Variants in CEP112 observed in about 807,000 individuals in gnomAD.
The protein encoded by CEP112 is centrosomal protein 112.
In CEP112, 127 loss-of-function variants were observed where a neutral mutation model predicts 153.0. That is an observed-to-expected ratio of 0.83 (90% confidence interval 0.72 to 0.96). CEP112 has a LOEUF of 0.96. Among genes scored for constraint, CEP112 ranks in the 40% least tolerant of loss-of-function variants. The probability of loss-of-function intolerance (pLI) is 0.00; values close to 1 mark genes in which losing one functional copy is unlikely to be tolerated. For synonymous variants in CEP112, 358 were observed against 374.4 expected, an observed-to-expected ratio of 0.96 and a Z score of 0.51; for missense variants, 1,089 against 1,101.2, an observed-to-expected ratio of 0.99 and a Z score of 0.16.
At chr17:65,648,255 T>C (rs951754261) in intron 24 of CEP112, among the ~76,000 whole-genome samples, 7 of 152,164 alleles carry the variant, frequency 4.6e-5, no homozygotes, top group African/African-American at 1.7e-4. Context: ...GTTACTTCTC[T>C]CTCTACCTTC....
At chr17:65,880,836 C>T (rs1005254061) in intron 20 of CEP112, among the ~76,000 whole-genome samples, 1 of 152,154 alleles carries the variant, frequency 6.6e-6, no homozygotes, top group African/African-American at 2.4e-5. Flanking sequence ...ATTGTTCAAC[C>T]TCGGGTCTTT....
chr17:66,113,849 T>A (rs2069165428), intron 6 of CEP112, among the ~76,000 whole-genome samples: 1 of 152,190 alleles, frequency 6.6e-6, no homozygotes, highest in African/African-American at 2.4e-5. Flanking sequence ...TTGGGGGAAA[T>A]AAGCAATCTA....
chr17:65,909,522 A>G (rs1412301988), intron 19 of CEP112, among the ~76,000 whole-genome samples: 1 of 152,244 alleles, frequency 6.6e-6, no homozygotes, highest in African/African-American at 2.4e-5. Flanking sequence ...TAAAACCCTG[A>G]TAGTTGGTCA....
Position 65,899,939 on chromosome 17 carries a change from T to C in CEP112, c.2163+2213A>G, listed in dbSNP as rs143521158. Among the ~76,000 whole-genome samples, 5 of 152,304 alleles carry C rather than the reference T, an allele frequency of 3.3e-5. No homozygotes were observed. In the East Asian group the frequency reaches 9.6e-4, roughly 29 times the overall value. On this transcript the variant is annotated intron_variant, in intron 20 of 26. Transcript: ENST00000535342. ...AAAAAGATCTATTTTGAAAATTATA[T>C]GCCTACTTTGTTTCCTTGAAATTTG...
At position 65,776,619 on chromosome 17, in the gene CEP112, T is replaced by C. The variant is rs555110839; in HGVS notation, c.2395-25895A>G. ...CATGACTTATTGAACCATTCTTCTA[T>C]TGCTGGATATTTAGATTATTTCCAA... On this transcript the variant is annotated intron_variant, in intron 21 of 26. Transcript: ENST00000535342. 1.7e-4 allele frequency among the ~76,000 whole-genome samples: 26 copies of C among 152,344 alleles called. No homozygotes were observed. In the South Asian group the frequency reaches 5.0e-3, roughly 29 times the overall value.
At chr17:65,667,574 C>CACAA (rs2046760353) in intron 24 of CEP112, among the ~76,000 whole-genome samples, 1 of 151,966 alleles carries the variant, frequency 6.6e-6, no homozygotes, top group African/African-American at 2.4e-5. Flanking sequence ...CACACACACA[C>CACAA]ACACACACAC....
chr17:65,796,867 T>TA (rs1194025386), intron 21 of CEP112, among the ~76,000 whole-genome samples: 18 of 31,964 alleles, frequency 5.6e-4, no homozygotes, highest in African/African-American at 4.1e-4. Context: ...ACCCCATCTC[T>TA]ACAAAAAAAA....
chr17:66,051,733 T>C (rs1230886738), intron 12 of CEP112, among the ~76,000 whole-genome samples: 1 of 152,188 alleles, frequency 6.6e-6, no homozygotes, highest in Non-Finnish European at 1.5e-5. Flanking sequence ...TTCAAGAAAG[T>C]ACTTGGACCA....
At chr17:65,721,842 A>AT (rs888233927) in intron 23 of CEP112, among the ~76,000 whole-genome samples, 11 of 67,632 alleles carry the variant, frequency 1.6e-4, no homozygotes, top group East Asian at 1.4e-3. Context: ...CACTAGCATA[A>AT]TTAAAAAAAA....
At chr17:65,890,840 T>C (rs1027689146) in intron 20 of CEP112, among the ~76,000 whole-genome samples, 1 of 152,170 alleles carries the variant, frequency 6.6e-6, no homozygotes, top group East Asian at 1.9e-4. Flanking sequence ...TTCATAACAA[T>C]GTGCGAGCGA....
At chr17:65,735,303 C>CGATT (rs1748068145) in intron 23 of CEP112, among the ~76,000 whole-genome samples, 1 of 152,162 alleles carries the variant, frequency 6.6e-6, no homozygotes, top group Non-Finnish European at 1.5e-5. Flanking sequence ...GCCTGTCAAT[C>CGATT]GTTCTTTCAG....
intron 8 of CEP112, among the ~76,000 whole-genome samples, chr17:66,092,574 G>A (rs2068184372): frequency 6.6e-6 from 1 of 152,000 alleles, no homozygotes; most frequent in South Asian, 2.1e-4. Context: ...AACAAGAAAG[G>A]AAAATTATAG....
intron 20 of CEP112, among the ~76,000 whole-genome samples, chr17:65,881,088 G>A (rs996617326): frequency 1.6e-4 from 24 of 152,190 alleles, no homozygotes; most frequent in Admixed American, 9.2e-4. Flanking sequence ...GCTGGCATGC[G>A]CTTGTAGTCC....
chr17:65,890,013 G>A (rs556260802), intron 20 of CEP112, among the ~76,000 whole-genome samples: 5 of 151,980 alleles, frequency 3.3e-5, no homozygotes, highest in Admixed American at 6.6e-5. Flanking sequence ...TACAGTGCGC[G>A]TATATATATA....
intron 16 of CEP112, among the ~76,000 whole-genome samples, chr17:66,023,867 CAAAAA>C (rs1201592042): frequency 6.6e-6 from 1 of 151,702 alleles, no homozygotes; most frequent in Non-Finnish European, 1.5e-5. Flanking sequence ...AAAGCATGAA[CAAAAA>C]AAGTAAAGAC....
intron 19 of CEP112, chr17:65,903,201 C>T (rs1003828321): frequency 6.6e-6 from 1 of 152,204 alleles, no homozygotes; most frequent in African/African-American, 2.4e-5. Context: ...CTGCTAAGAA[C>T]AGTCACTTGG....
chr17:66,009,189 T>TTGTGTGTGTGTGTGTGTGTG lies in CEP112; in HGVS notation c.1657-3440_1657-3421dup, dbSNP rs34971943. ...ATCCTGGCCTACACTTGTTATCCCT[T>TTGTGTGTGTGTGTGTGTGTG]TGTGTGTGTGTGTGTGTGTGTGTGT... is the stretch of plus-strand genomic sequence containing the variant. On this transcript the variant is annotated intron_variant, in intron 16 of 26. Coordinates refer to ENST00000535342, the MANE Select transcript of CEP112 (RefSeq NM_001199165.4). 9.5e-4 allele frequency among the ~76,000 whole-genome samples: 139 copies of TTGTGTGTGTGTGTGTGTGTG among 146,936 alleles called. 1 individual carries two copies. The highest frequency in any genetic ancestry group is 3.5e-3 in the African/African-American group (137 of 39,262).
chr17:66,124,800 T>C (rs1393736049), intron 6 of CEP112, among the ~76,000 whole-genome samples: 1 of 152,166 alleles, frequency 6.6e-6, no homozygotes. Flanking sequence ...AATCGGCCTG[T>C]TATTATTGAC....
At chr17:65,779,116 C>A (rs1234378764) in intron 21 of CEP112, among the ~76,000 whole-genome samples, 1 of 151,988 alleles carries the variant, frequency 6.6e-6, no homozygotes, top group Admixed American at 6.5e-5. Flanking sequence ...TAAAAAATAA[C>A]CTTTTAAAGA....
Sources: allele counts gnomAD v4.1 joint callset (sites outside exome capture counted in the v4.1 genomes callset), GRCh38; gene constraint gnomAD v4.1.1; transcripts MANE v1.5; gene names NCBI Gene and HGNC (gene_info 2026-07-23, HGNC 2026-07-21).